Variants in POT1 observed in about 807,000 individuals in gnomAD.
POT1 encodes protection of telomeres protein 1.
A neutral mutation model predicts 78.5 loss-of-function variants in POT1; 47 were observed. That is an observed-to-expected ratio of 0.60 (90% CI 0.47 to 0.76). The LOEUF (loss-of-function observed/expected upper bound fraction) is 0.76, where lower values mean the gene tolerates loss of function less well. Among genes scored for constraint, POT1 ranks in the 30% least tolerant of loss-of-function variants. POT1 has a pLI of 0.00. For missense variants in POT1, 646 were observed against 749.9 expected (o/e 0.86, Z 1.62); for synonymous variants, 259 against 260.7 (o/e 0.99, Z 0.06).
At chr7:124,845,339 T>C (rs1381020718) in intron 12 of POT1, among the ~76,000 whole-genome samples, 1 of 152,176 alleles carries the variant, frequency 6.6e-6, no homozygotes, top group South Asian at 2.1e-4. Context: ...AACACTGATA[T>C]ATTTGAAGAG....
intron 18 of POT1, 103 bp from the exon 19 acceptor site, chr7:124,824,177 T>G: frequency 1.5e-6 from 1 of 658,392 alleles, no homozygotes; most frequent in Non-Finnish European, 2.5e-6. Flanking sequence ...AATTAACATT[T>G]ATTTTGGCTT....
In POT1 at chr7:124,847,021, A is replaced by G. The variant is rs779798583; in HGVS notation, c.950-23T>C. On this transcript the variant is annotated intron_variant, in intron 11 of 18. Transcript: ENST00000357628. ...AGCCTATAAAAAGGAAAAGGCAAAA[A>G]AATTAAGTCCATTACAACTTCATTG... 3 of 1,544,922 alleles carry G rather than the reference A, an allele frequency of 1.9e-6. No individual in the cohort carries two copies. In the Admixed American group the frequency reaches 5.1e-5, roughly 26 times the overall value.
intron 9 of POT1, among the ~76,000 whole-genome samples, chr7:124,856,592 T>C (rs894001043): frequency 2.0e-5 from 3 of 152,114 alleles, no homozygotes; most frequent in Non-Finnish European, 2.9e-5. Context: ...TCATCCTCAC[T>C]ACAGGGAAAG....
At chr7:124,899,058 G>A (rs960935386) in intron 3 of POT1, among the ~76,000 whole-genome samples, 1 of 152,042 alleles carries the variant, frequency 6.6e-6, no homozygotes, top group African/African-American at 2.4e-5. Flanking sequence ...AAAATGTCTG[G>A]GCTTTTGGTC....
chr7:124,891,068 T>C (rs1358848563), intron 6 of POT1, among the ~76,000 whole-genome samples: 1 of 151,784 alleles, frequency 6.6e-6, no homozygotes, highest in Non-Finnish European at 1.5e-5. Flanking sequence ...TTCTGTTTCC[T>C]TATTGATCTC....
chr7:124,908,829 C>A (rs1230160392), intron 3 of POT1, among the ~76,000 whole-genome samples: 2 of 151,802 alleles, frequency 1.3e-5, no homozygotes, highest in Non-Finnish European at 2.9e-5. Context: ...AGATAGTATA[C>A]CTTCACGAAT....
At chr7:124,825,402 T>C in intron 17 of POT1, 45 bp from the exon 18 acceptor site, 1 of 1,187,622 alleles carries the variant, frequency 8.4e-7, no homozygotes, top group Non-Finnish European at 1.2e-6. Context: ...ATAATATTAA[T>C]CCTTTTTAAT....
chr7:124,887,745 T>A (rs896040454), intron 6 of POT1, among the ~76,000 whole-genome samples: 1 of 152,112 alleles, frequency 6.6e-6, no homozygotes, highest in Non-Finnish European at 1.5e-5. Context: ...GAATGATACA[T>A]AAAATGATAA....
At chr7:124,841,330 AC>A in intron 13 of POT1, 152 bp from the exon 14 acceptor site, 1 of 599,226 alleles carries the variant, frequency 1.7e-6, no homozygotes, top group Admixed American at 3.3e-5. Context: ...GAGATAATTC[AC>A]TTTGCAGAAC....
At chr7:124,861,306 G>A (rs566872329) in intron 8 of POT1, among the ~76,000 whole-genome samples, 123 of 152,242 alleles carry the variant, frequency 8.1e-4, no homozygotes, top group Non-Finnish European at 1.1e-3. Flanking sequence ...TCTAACTGGC[G>A]TGAGATGGTA....
intron 7 of POT1, among the ~76,000 whole-genome samples, chr7:124,868,809 T>G (rs1052222163): frequency 6.6e-6 from 1 of 150,736 alleles, no homozygotes; most frequent in African/African-American, 2.4e-5. Context: ...TCAATATATA[T>G]TCAATGATAA....
chr7:124,915,389 G>A (rs1018624238), intron 3 of POT1, among the ~76,000 whole-genome samples, 185 bp downstream of exon 3: 2 of 152,100 alleles, frequency 1.3e-5, no homozygotes, highest in Non-Finnish European at 2.9e-5. Flanking sequence ...CAAGTTTTAA[G>A]ACAGTTAAGC....
In POT1 at chr7:124,923,470, C is replaced by T. The variant is rs367673577; in HGVS notation, c.-227+5345G>A. Among the ~76,000 whole-genome samples the T allele has an allele frequency of 5.9e-5, 9 of 151,684 alleles. 1 individual carries two copies. The East Asian group carries it at 1.4e-3, about 23-fold the overall frequency. On this transcript the variant is annotated intron_variant, in intron 2 of 18. Transcript: ENST00000357628. ...GAACGAAATTTTGAAATAATGCGGT[C>T]AGGCAAAAATAGGAAAAAGCATAAA...
intron 13 of POT1, among the ~76,000 whole-genome samples, chr7:124,842,577 T>G (rs1039701828): frequency 3.3e-5 from 5 of 152,156 alleles, no homozygotes; most frequent in Admixed American, 3.3e-4. Flanking sequence ...TTTGCCTTTA[T>G]CAGAGTGACT....
intron 14 of POT1, 57 bp from the exon 15 acceptor site, chr7:124,835,471 A>G (rs1176745960): frequency 5.2e-6 from 8 of 1,546,734 alleles, no homozygotes; most frequent in Non-Finnish European, 6.2e-6. Context: ...AGACAAGTAC[A>G]GTCCTATTAA....
chr7:124,922,509 A>G (rs969174416), intron 2 of POT1, among the ~76,000 whole-genome samples: 2 of 152,020 alleles, frequency 1.3e-5, no homozygotes, highest in African/African-American at 4.8e-5. Flanking sequence ...AGATTCTTAT[A>G]TTTGTCAAGG....
chr7:124,898,258 T>C lies in POT1; in HGVS notation c.-40+3A>G, dbSNP rs1796541021. On this transcript the variant is annotated splice_donor_region_variant and intron_variant, in intron 4 of 18. Coordinates refer to ENST00000357628, the MANE Select transcript of POT1 (RefSeq NM_015450.3). The stretch of plus-strand genomic sequence containing the variant: ...AATTAGAGAATAAAAGCTGCATACT[T>C]ACATAAACAGTTGATTTGAGGTCTT... 6.6e-6 allele frequency: 1 copy of C among 151,874 alleles called. No homozygotes were observed. Among genetic ancestry groups the C allele is most frequent in the Admixed American group, 6.6e-5 (1 of 15,202 alleles). 9.4% of individuals were successfully genotyped at this position (151,874 alleles called of 1,614,324 possible).
At chr7:124,919,082 T>C (rs1046618993) in intron 2 of POT1, among the ~76,000 whole-genome samples, 5 of 152,204 alleles carry the variant, frequency 3.3e-5, no homozygotes, top group Admixed American at 1.3e-4. Flanking sequence ...TTGTACAGCC[T>C]ACTATACACC....
chr7:124,909,760 A>G (rs1366086133), intron 3 of POT1, among the ~76,000 whole-genome samples: 1 of 151,930 alleles, frequency 6.6e-6, no homozygotes, highest in Non-Finnish European at 1.5e-5. Context: ...TAAAACACTA[A>G]TACCTAATGT....
Sources: gnomAD v4.1 joint callset for allele counts (sites outside exome capture counted in the v4.1 genomes callset) on GRCh38, gnomAD v4.1.1 for gene constraint, MANE v1.5 for transcripts, NCBI Gene and HGNC (gene_info 2026-07-23, HGNC 2026-07-21) for gene names.